TRIM38: variants seen among roughly 807,000 people sequenced by gnomAD.
TRIM38 encodes the protein E3 ubiquitin-protein ligase TRIM38.
TRIM38 carries 35 observed loss-of-function variants against 35.8 expected under a neutral mutation model. The observed-to-expected ratio is 0.98, with a 90% CI of 0.75 to 1.30. The LOEUF is 1.30. Ranked by LOEUF, TRIM38 falls within the 50% of genes most tolerant of loss-of-function variation. TRIM38 has a pLI of 0.00. For missense variants in TRIM38, 545 were observed against 556.9 expected, an observed-to-expected ratio of 0.98 and a Z score of 0.21; for synonymous variants, 198 against 204.7, an observed-to-expected ratio of 0.97 and a Z score of 0.28.
rs1760776452 is a variant in TRIM38, at chr6:25,988,496, C to CTTTTTTTTTTTTTCTTTTTTTTTTTTT, written c.*4822_*4823insCTTTTTTTTTTTTTTTTTTTTTTTTTT. On this transcript the variant is annotated 3_prime_UTR_variant, in exon 8 of 8. Transcript: ENST00000357085. ...TTTCTTTTTCTTTTTTCTTTTCTTT[C>CTTTTTTTTTTTTTCTTTTTTTTTTTTT]TTTTTTTTTTTTTTTTTGAGACAGA... 1 of 63,052 alleles carries CTTTTTTTTTTTTTCTTTTTTTTTTTTT rather than the reference C, an allele frequency of 1.6e-5. No homozygotes were observed. The highest frequency in any genetic ancestry group is 2.7e-4 in the Admixed American group (1 of 3,714). 3.9% of individuals were successfully genotyped at this position (63,052 alleles called of 1,614,324 possible). A position where few individuals can be genotyped will look rare whatever the true frequency, so the allele number is the denominator to read the frequency against.
chr6:25,974,984 G>A, intron 7 of TRIM38: 1 of 984,296 alleles, frequency 1.0e-6, no homozygotes, highest in Non-Finnish European at 1.2e-6. Context: ...ATCTTTTACA[G>A]AAGGAATCAT....
At chr6:25,963,586 T>C (rs530138658) in intron 2 of TRIM38, among the ~76,000 whole-genome samples, 16 of 152,316 alleles carry the variant, frequency 1.1e-4, no homozygotes, top group Non-Finnish European at 2.2e-4. Context: ...GGTCCTGTCC[T>C]GGAGAAGAGA....
At chr6:25,978,675 AT>A (rs1033530642) in intron 7 of TRIM38, among the ~76,000 whole-genome samples, 12 of 149,928 alleles carry the variant, frequency 8.0e-5, no homozygotes, top group Non-Finnish European at 1.8e-4. Context: ...TAATTTTTTA[AT>A]TTTTTTTTGA....
At position 25,973,269 on chromosome 6, in the gene TRIM38, G is replaced by A; in HGVS notation, c.858G>A (p.Met286Ile). ...VSKLYFDVKK[M>I]LRSHQVSVTL... ...AGCTTTACTTCGATGTGAAGAAAAT[G>A]TTAAGGAGTCATCAAGGTATGTTCA... is the stretch of plus-strand genomic sequence containing the variant. The change falls in exon 7 of 8, where the codon ATG becomes ATA. Residue 286 changes from methionine (M) to isoleucine (I), a missense_variant. By Grantham distance (10) the Met-to-Ile change is conservative. Transcript: ENST00000357085. 6.2e-7 allele frequency: 1 copy of A among 1,613,720 alleles called. No homozygotes were observed. Among genetic ancestry groups the A allele is most frequent in the Non-Finnish European group, 8.5e-7 (1 of 1,180,002 alleles).
At position 25,973,624 on chromosome 6, in the gene TRIM38, G is replaced by A. The variant is rs566911797; in HGVS notation, c.874+339G>A. ...AATTAAATGCATCAACATGTACAAA[G>A]TGCTTAGCCCTGTGACTGACACATG... On this transcript the variant is annotated intron_variant, in intron 7 of 7. Coordinates refer to ENST00000357085, the MANE Select transcript of TRIM38 (RefSeq NM_006355.5). The A allele has an allele frequency of 2.9e-4, 282 of 982,912 alleles. No individual in the cohort carries two copies. The Middle Eastern group carries it at 3.1e-3, about 11-fold the overall frequency. 60.9% of individuals were successfully genotyped at this position (982,912 alleles called of 1,614,324 possible). A position where few individuals can be genotyped will look rare whatever the true frequency, so the allele number is the denominator to read the frequency against.
At chr6:25,976,229 C>G (rs890456990) in intron 7 of TRIM38, among the ~76,000 whole-genome samples, 1 of 152,162 alleles carries the variant, frequency 6.6e-6, no homozygotes, top group Non-Finnish European at 1.5e-5. Context: ...AGAAACCACT[C>G]TCTCACCATT....
intron 7 of TRIM38, among the ~76,000 whole-genome samples, chr6:25,981,266 C>G (rs2113617359): frequency 6.6e-6 from 1 of 152,374 alleles, no homozygotes; most frequent in South Asian, 2.1e-4. Flanking sequence ...TCCTCTGGTG[C>G]TTCCCATTGG....
Position 25,966,703 on chromosome 6 carries a change from C to T in TRIM38, c.181C>T (p.Gln61Ter), listed in dbSNP as rs749641223. The T allele has an allele frequency of 1.2e-6, 2 of 1,614,184 alleles. No homozygotes were observed. The highest frequency in any genetic ancestry group is 1.7e-5 in the Admixed American group (1 of 60,030). Reference sequence around the variant, plus strand: ...GAGGCAGGAGACATTCTGCTGTCCCCAGTGTCGGGCTCCATTTCATATGGA... The same window carrying T: ...GAGGCAGGAGACATTCTGCTGTCCCTAGTGTCGGGCTCCATTTCATATGGA... ...QLRQETFCCPQCRAPFHMDSL... is the reference protein window; with the variant it reads ...QLRQETFCCP Residue 61 changes from glutamine (Q) to a stop codon, truncating the protein, a stop_gained, in exon 3 of 8, where the codon CAG (glutamine) becomes TAG (stop). Coordinates refer to ENST00000357085, the MANE Select transcript of TRIM38 (RefSeq NM_006355.5). LOFTEE classifies it high-confidence loss of function.
At chr6:25,965,814 G>A (rs1022038191) in intron 2 of TRIM38, among the ~76,000 whole-genome samples, 2 of 151,934 alleles carry the variant, frequency 1.3e-5, no homozygotes, top group African/African-American at 2.4e-5. Context: ...GCTACTACTC[G>A]GGAGGCTGAG....
chr6:25,964,230 A>G (rs1482369756), intron 2 of TRIM38, among the ~76,000 whole-genome samples: 2 of 152,378 alleles, frequency 1.3e-5, no homozygotes, highest in African/African-American at 4.8e-5. Flanking sequence ...ATGTATAAAT[A>G]CATAAATATA....
intron 2 of TRIM38, among the ~76,000 whole-genome samples, chr6:25,964,731 C>T (rs995314947): frequency 6.6e-6 from 1 of 152,052 alleles, no homozygotes; most frequent in Non-Finnish European, 1.5e-5. Flanking sequence ...GCTCCCCATA[C>T]TCCTTCAATG....
chr6:25,965,922 TAAA>T (rs746283264), intron 2 of TRIM38, among the ~76,000 whole-genome samples: 5 of 129,214 alleles, frequency 3.9e-5, no homozygotes, highest in Admixed American at 1.6e-4. Context: ...TCCGTCTCAT[TAAA>T]AAAAAAAAAA....
chr6:25,964,306 G>A (rs973908370), intron 2 of TRIM38, among the ~76,000 whole-genome samples: 7 of 151,944 alleles, frequency 4.6e-5, no homozygotes, highest in Admixed American at 1.3e-4. Flanking sequence ...TATGTATAAC[G>A]TTTATACATG....
Position 25,988,492 on chromosome 6 carries a change from C to CTTTTTTTTTTTTTTTTTTTTTTTTTTT in TRIM38, c.*4808_*4809insTTTTTTTTTTTTTTTTTTTTTTTTTTT, listed in dbSNP as rs1259308684. The CTTTTTTTTTTTTTTTTTTTTTTTTTTT allele has an allele frequency of 3.3e-5, 1 of 30,144 alleles. No individual in the cohort carries two copies. Among genetic ancestry groups the CTTTTTTTTTTTTTTTTTTTTTTTTTTT allele is most frequent in the Non-Finnish European group, 5.6e-5 (1 of 17,852 alleles). 1.9% of individuals were successfully genotyped at this position (30,144 alleles called of 1,614,324 possible). A position where few individuals can be genotyped will look rare whatever the true frequency, so the allele number is the denominator to read the frequency against. The stretch of plus-strand genomic sequence containing the variant: ...TCTTTTTCTTTTTCTTTTTTCTTTT[C>CTTTTTTTTTTTTTTTTTTTTTTTTTTT]TTTCTTTTTTTTTTTTTTTTTGAGA... On this transcript the variant is annotated 3_prime_UTR_variant, in exon 8 of 8. Transcript: ENST00000357085.
Position 25,975,073 on chromosome 6 carries a change from C to G in TRIM38, c.874+1788C>G, listed in dbSNP as rs1376139774. 6 of 951,042 alleles carry G rather than the reference C, an allele frequency of 6.3e-6. No individual in the cohort carries two copies. The African/African-American group carries it at 8.9e-5, about 14-fold the overall frequency. The allele number at this position is 951,042 out of a possible 1,614,324, so 58.9% of individuals were successfully genotyped here. On this transcript the variant is annotated intron_variant, in intron 7 of 7. Coordinates refer to ENST00000357085, the MANE Select transcript of TRIM38 (RefSeq NM_006355.5). ...TTTGAGACAGAGTCTCGCTCTGTCG[C>G]CCAGGCTGGAGTGCAGTGGTGCGAT... is the stretch of plus-strand genomic sequence containing the variant.
intron 2 of TRIM38, among the ~76,000 whole-genome samples, chr6:25,964,595 T>G (rs765916926): frequency 4.6e-5 from 7 of 152,142 alleles, no homozygotes; most frequent in Non-Finnish European, 8.8e-5. Flanking sequence ...AAAACAATTG[T>G]TCTTCTTGTC....
chr6:25,967,781 C>G (rs1182918715), intron 3 of TRIM38, among the ~76,000 whole-genome samples: 1 of 151,968 alleles, frequency 6.6e-6, no homozygotes, highest in Non-Finnish European at 1.5e-5. Context: ...CCTCCCATCT[C>G]AGCCTCCCAA....
intron 4 of TRIM38, among the ~76,000 whole-genome samples, chr6:25,969,881 T>A (rs1436309): frequency 0.4 from 61,497 of 151,994 alleles, 13,533 homozygotes; most frequent in East Asian, 0.75. Flanking sequence ...CATACTACTC[T>A]AGCTCATGAA....
chr6:25,982,254 A>G (rs923345842), intron 7 of TRIM38, among the ~76,000 whole-genome samples: 6 of 152,148 alleles, frequency 3.9e-5, no homozygotes, highest in Admixed American at 6.5e-5. Context: ...CGTGTCCTCT[A>G]CTATCTCAAG....
Sources: allele counts gnomAD v4.1 joint callset (sites outside exome capture counted in the v4.1 genomes callset), GRCh38; gene constraint gnomAD v4.1.1; transcripts MANE v1.5; gene names NCBI Gene and HGNC (gene_info 2026-07-23, HGNC 2026-07-21).